The following NYAP2 variants were observed in gnomAD, a reference collection of about 807,000 sequenced individuals.
NYAP2 encodes the protein neuronal tyrosine-phosphorylated phosphoinositide-3-kinase adaptor 2.
NYAP2 carries 23 observed loss-of-function variants against 50.4 expected under a neutral mutation model. That is an observed-to-expected ratio of 0.46 (90% CI 0.33 to 0.65). The LOEUF is 0.65. Among genes scored for constraint, NYAP2 ranks in the 30% least tolerant of loss-of-function variants. The probability of loss-of-function intolerance (pLI) is 0.02; values close to 1 mark genes in which losing one functional copy is unlikely to be tolerated. For missense variants in NYAP2, 885 were observed against 861.0 expected (o/e 1.03, Z -0.35); for synonymous variants, 394 against 365.2 (o/e 1.08, Z -0.90).
intron 3 of NYAP2, among the ~76,000 whole-genome samples, chr2:225,491,993 G>C (rs894441608): frequency 6.6e-6 from 1 of 152,172 alleles, no homozygotes; most frequent in Non-Finnish European, 1.5e-5. Context: ...AGGAGGTGGT[G>C]GTATGACCCA....
At chr2:225,452,796 C>A (rs891630959) in intron 3 of NYAP2, among the ~76,000 whole-genome samples, 1 of 152,168 alleles carries the variant, frequency 6.6e-6, no homozygotes, top group African/African-American at 2.4e-5. Flanking sequence ...CACACACATG[C>A]ACACGTAACA....
the NYAP2 span, among the ~76,000 whole-genome samples, chr2:225,681,746 T>TGG: frequency 6.6e-6 from 1 of 152,176 alleles, no homozygotes; most frequent in Non-Finnish European, 1.5e-5. Context: ...GACTTAAAAG[T>TGG]GGTGGTTTTG....
At chr2:225,650,710 T>C (rs1693715002) in intron 6 of NYAP2, among the ~76,000 whole-genome samples, 1 of 152,198 alleles carries the variant, frequency 6.6e-6, no homozygotes, top group African/African-American at 2.4e-5. Context: ...TGTTTTTCCT[T>C]TGTCAAATAT....
At chr2:225,519,596 T>A (rs1295625109) in intron 4 of NYAP2, among the ~76,000 whole-genome samples, 3 of 152,114 alleles carry the variant, frequency 2.0e-5, no homozygotes, top group Non-Finnish European at 4.4e-5. Context: ...ACAAAGGACA[T>A]GAACTCATCA....
At chr2:225,605,401 C>A (rs1052162101) in intron 5 of NYAP2, among the ~76,000 whole-genome samples, 1 of 152,050 alleles carries the variant, frequency 6.6e-6, no homozygotes, top group Non-Finnish European at 1.5e-5. Context: ...AAATACAATG[C>A]CTTCTGGCTG....
intron 3 of NYAP2, among the ~76,000 whole-genome samples, chr2:225,419,974 T>G (rs1336992048): frequency 1.3e-5 from 2 of 152,234 alleles, no homozygotes; most frequent in African/African-American, 4.8e-5. Context: ...CCTAAAATAC[T>G]TAAAATTACA....
At chr2:225,505,929 C>T (rs539317750) in intron 3 of NYAP2, among the ~76,000 whole-genome samples, 16 of 152,188 alleles carry the variant, frequency 1.1e-4, no homozygotes, top group South Asian at 1.0e-3. Context: ...AGTGCAGCTT[C>T]GTGTATGCCC....
At chr2:225,481,703 A>T (rs1162224512) in intron 3 of NYAP2, among the ~76,000 whole-genome samples, 1 of 152,198 alleles carries the variant, frequency 6.6e-6, no homozygotes, top group Non-Finnish European at 1.5e-5. Context: ...TATATATTGA[A>T]AGCCACAAAT....
At chr2:225,549,965 A>G (rs1045815694) in intron 4 of NYAP2, among the ~76,000 whole-genome samples, 2 of 152,062 alleles carry the variant, frequency 1.3e-5, no homozygotes, top group Non-Finnish European at 1.5e-5. Context: ...AGCCTGGGCA[A>G]CAGAGTGAGA....
At chr2:225,447,007 A>G (rs941281252) in intron 3 of NYAP2, among the ~76,000 whole-genome samples, 4 of 151,952 alleles carry the variant, frequency 2.6e-5, no homozygotes, top group African/African-American at 7.3e-5. Context: ...AAGCAGTTTT[A>G]TAGACTTAAT....
chr2:225,564,353 C>G (rs752541220), intron 4 of NYAP2, among the ~76,000 whole-genome samples: 4 of 151,736 alleles, frequency 2.6e-5, no homozygotes, highest in Non-Finnish European at 4.4e-5. Flanking sequence ...CCATTGTCCA[C>G]TGCTACTTCT....
chr2:225,579,924 C>A (rs926934835), intron 4 of NYAP2, among the ~76,000 whole-genome samples: 4 of 152,292 alleles, frequency 2.6e-5, no homozygotes, highest in Middle Eastern at 3.4e-3. Flanking sequence ...ATGATTATTT[C>A]TGTATGATGA....
chr2:225,633,688 C>T (rs1299831503), intron 6 of NYAP2, among the ~76,000 whole-genome samples: 1 of 152,112 alleles, frequency 6.6e-6, no homozygotes, highest in Admixed American at 6.6e-5. Flanking sequence ...ATGCAGGTGA[C>T]CTGGAAAGCA....
intron 3 of NYAP2, among the ~76,000 whole-genome samples, chr2:225,473,877 C>T (rs975083446): frequency 6.6e-6 from 1 of 152,044 alleles, no homozygotes; most frequent in African/African-American, 2.4e-5. Context: ...GACATGAAGT[C>T]CTTGCCCATG....
intron 5 of NYAP2, among the ~76,000 whole-genome samples, chr2:225,624,444 A>T (rs1431081379): frequency 6.6e-6 from 1 of 152,158 alleles, no homozygotes. Flanking sequence ...GGGGAAGCTA[A>T]GTTGTTACTC....
chr2:225,426,920 GT>G (rs1411621883), intron 3 of NYAP2, among the ~76,000 whole-genome samples: 1 of 152,180 alleles, frequency 6.6e-6, no homozygotes, highest in Non-Finnish European at 1.5e-5. Flanking sequence ...GGATTAAAAT[GT>G]AATGTCATCC....
At chr2:225,656,394 A>T (rs1482756916), downstream of NYAP2, among the ~76,000 whole-genome samples, 2 of 152,048 alleles carry the variant, frequency 1.3e-5, no homozygotes, top group African/African-American at 4.8e-5. Flanking sequence ...TCTCTTCGGG[A>T]TTACTTAGCA....
intron 3 of NYAP2, among the ~76,000 whole-genome samples, chr2:225,412,255 C>CTTTTTTTTTTTT (rs560637948): frequency 0.025 from 1,476 of 59,024 alleles, 309 homozygotes; most frequent in Non-Finnish European, 0.038. Flanking sequence ...CTGCGCCCGG[C>CTTTTTTTTTTTT]TTTTTTTTTT....
At chr2:225,483,331 T>C (rs903869277) in intron 3 of NYAP2, among the ~76,000 whole-genome samples, 4 of 152,262 alleles carry the variant, frequency 2.6e-5, no homozygotes, top group Admixed American at 6.5e-5. Flanking sequence ...CTATAATTGT[T>C]AATTATGCAT....
Sources: allele counts gnomAD v4.1 joint callset (sites outside exome capture counted in the v4.1 genomes callset), GRCh38; gene constraint gnomAD v4.1.1; transcripts MANE v1.5; gene names NCBI Gene and HGNC (gene_info 2026-07-23, HGNC 2026-07-21).